The following ARMH3 variants were observed in gnomAD, a reference collection of about 807,000 sequenced individuals.
ARMH3 encodes the protein armadillo like helical domain containing 3.
Under a neutral mutation model 99.1 loss-of-function variants are expected in ARMH3, and 60 were observed. That is an observed-to-expected ratio of 0.61 (90% CI 0.49 to 0.75). ARMH3 has a LOEUF of 0.75. Among genes scored for constraint, ARMH3 ranks in the 30% least tolerant of loss-of-function variants. The pLI is 0.00. For synonymous variants in ARMH3, 285 were observed against 292.8 expected (o/e 0.97, Z 0.27); for missense variants, 679 against 843.1 (o/e 0.81, Z 2.41).
intron 10 of ARMH3, 140 bp from the exon 11 acceptor site, chr10:102,011,923 ATGAC>A (rs1049333425): frequency 3.1e-6 from 2 of 635,638 alleles, no homozygotes; most frequent in Admixed American, 6.5e-5. Flanking sequence ...ATCAAGCATC[ATGAC>A]AATCCCTGCA....
At chr10:102,019,984 G>A (rs1426849979) in intron 8 of ARMH3, among the ~76,000 whole-genome samples, 1 of 151,738 alleles carries the variant, frequency 6.6e-6, no homozygotes, top group Non-Finnish European at 1.5e-5. Flanking sequence ...TCTTTAGGAG[G>A]CCAAGGCAGG....
chr10:101,931,628 T>C (rs1186040519), intron 23 of ARMH3, among the ~76,000 whole-genome samples: 107 of 151,230 alleles, frequency 7.1e-4, no homozygotes, highest in Admixed American at 7.0e-3. Context: ...TCAAAATGGA[T>C]CAAAGGAAGC....
Position 101,904,832 on chromosome 10 carries a change from G to A in ARMH3, c.1782-15342C>T, listed in dbSNP as rs188584985. On this transcript the variant is annotated intron_variant, in intron 23 of 25. Coordinates refer to ENST00000370033, the MANE Select transcript of ARMH3 (RefSeq NM_024541.3). The stretch of plus-strand genomic sequence containing the variant: ...CTGGGTGTGGTGGTGTGCACCTGTA[G>A]TCCCAGCTACTCAGGAGGCTGAGGC... 4.1e-4 allele frequency among the ~76,000 whole-genome samples: 62 copies of A among 151,538 alleles called. 1 individual carries two copies. The highest frequency in any genetic ancestry group is 1.5e-3 in the African/African-American group (61 of 41,314).
In ARMH3 at chr10:102,033,093, C is replaced by T. The variant is rs557195562; in HGVS notation, c.239G>A (p.Cys80Tyr). The T allele has an allele frequency of 6.8e-6, 11 of 1,614,164 alleles. No homozygotes were observed. In the East Asian group the frequency reaches 2.5e-4, roughly 36 times the overall value. ...AGCCTGGATGCAGTGTTGGAATAAG[C>T]AATTAATATTGTCCTTGATCTTCAT... is the stretch of plus-strand genomic sequence containing the variant. ...ELMKIKDNIN[C>Y]LFQHCIQALG... Residue 80 changes from cysteine to tyrosine, a missense_variant, in exon 4 of 26, where the codon TGC becomes TAC. Coordinates refer to ENST00000370033, the MANE Select transcript of ARMH3 (RefSeq NM_024541.3).
At chr10:101,868,480 C>T (rs993101949) in intron 24 of ARMH3, among the ~76,000 whole-genome samples, 4 of 152,104 alleles carry the variant, frequency 2.6e-5, no homozygotes, top group Non-Finnish European at 5.9e-5. Flanking sequence ...GTTAGTTATA[C>T]CAAGTGTGCC....
chr10:101,963,621 T>C (rs1845405699), intron 20 of ARMH3, among the ~76,000 whole-genome samples: 1 of 151,978 alleles, frequency 6.6e-6, no homozygotes, highest in Non-Finnish European at 1.5e-5. Context: ...GTTTTTGAGA[T>C]GGAGTTTTGC....
At position 102,032,546 on chromosome 10, in the gene ARMH3, G is replaced by A. The variant is rs2067155760; in HGVS notation, c.306+480C>T. On this transcript the variant is annotated intron_variant, in intron 4 of 25. Transcript: ENST00000370033. ...CTCCTGAGTAGATGGGATTACAGGT[G>A]CCCACCACCATGCCCGGCTAATTTT... Among the ~76,000 whole-genome samples the A allele has an allele frequency of 2.0e-5, 3 of 152,012 alleles. No individual in the cohort carries two copies. The South Asian group carries it at 6.3e-4, about 32-fold the overall frequency.
intron 24 of ARMH3, among the ~76,000 whole-genome samples, chr10:101,866,335 G>C (rs1296140829): frequency 6.6e-6 from 1 of 152,056 alleles, no homozygotes; most frequent in Non-Finnish European, 1.5e-5. Flanking sequence ...AGTGCCATGA[G>C]AGAGACTGAA....
At chr10:102,009,841 C>A in intron 12 of ARMH3, 136 bp downstream of exon 12, 1 of 883,786 alleles carries the variant, frequency 1.1e-6, no homozygotes, top group South Asian at 1.7e-5. Context: ...GTTCAAAACC[C>A]ATGAAACATT....
intron 20 of ARMH3, among the ~76,000 whole-genome samples, chr10:101,957,966 C>A (rs897330979): frequency 2.6e-5 from 4 of 152,112 alleles, no homozygotes; most frequent in Admixed American, 6.6e-5. Flanking sequence ...CTTCTTTTTG[C>A]CACTTCTTAA....
chr10:102,028,578 C>T (rs1297519509), intron 5 of ARMH3, among the ~76,000 whole-genome samples: 4 of 152,126 alleles, frequency 2.6e-5, no homozygotes, highest in Admixed American at 2.6e-4. Flanking sequence ...GAATGAAATA[C>T]TAATACATCC....
intron 1 of ARMH3, among the ~76,000 whole-genome samples, chr10:102,042,074 A>G (rs939232863): frequency 1.3e-5 from 2 of 152,246 alleles, no homozygotes; most frequent in Non-Finnish European, 2.9e-5. Context: ...TCTTTGGGAC[A>G]ATTTACATTG....
chr10:102,027,567 T>C (rs557594058), intron 5 of ARMH3, among the ~76,000 whole-genome samples: 14 of 152,066 alleles, frequency 9.2e-5, no homozygotes, highest in Admixed American at 1.3e-4. Context: ...AAGAAGTACT[T>C]ATGGGATGTG....
At chr10:101,984,089 T>C (rs1846350563) in intron 19 of ARMH3, among the ~76,000 whole-genome samples, 1 of 152,170 alleles carries the variant, frequency 6.6e-6, no homozygotes, top group Non-Finnish European at 1.5e-5. Context: ...GCTTGGTGTG[T>C]AGGGACTAAA....
chr10:101,946,751 G>A (rs1347512134), intron 22 of ARMH3, among the ~76,000 whole-genome samples: 1 of 152,020 alleles, frequency 6.6e-6, no homozygotes, highest in African/African-American at 2.4e-5. Context: ...TCTGTCCCCA[G>A]TGAAAAAAGA....
intron 24 of ARMH3, among the ~76,000 whole-genome samples, chr10:101,850,801 C>T (rs1056844552): frequency 1.3e-5 from 2 of 152,088 alleles, no homozygotes; most frequent in South Asian, 2.1e-4. Flanking sequence ...ACTCTGAGTA[C>T]GGCAAAAGAG....
At chr10:101,904,505 G>A (rs948465292) in intron 23 of ARMH3, among the ~76,000 whole-genome samples, 9 of 152,126 alleles carry the variant, frequency 5.9e-5, no homozygotes, top group African/African-American at 2.2e-4. Context: ...AAAAAAGAAA[G>A]AAAAACAATG....
At chr10:101,966,914 G>A (rs1845567889) in intron 20 of ARMH3, among the ~76,000 whole-genome samples, 1 of 152,134 alleles carries the variant, frequency 6.6e-6, no homozygotes, top group South Asian at 2.1e-4. Flanking sequence ...AAAAAGGAGA[G>A]GGGAGGCTTA....
At chr10:101,870,001 C>T (rs1007777353) in intron 24 of ARMH3, among the ~76,000 whole-genome samples, 1 of 152,138 alleles carries the variant, frequency 6.6e-6, no homozygotes, top group Non-Finnish European at 1.5e-5. Context: ...CCACTGCACT[C>T]CAGCCTGGGT....
Sources: allele counts gnomAD v4.1 joint callset (sites outside exome capture counted in the v4.1 genomes callset), GRCh38; gene constraint gnomAD v4.1.1; transcripts MANE v1.5; gene names NCBI Gene and HGNC (gene_info 2026-07-23, HGNC 2026-07-21).